Variants in XRCC4 observed in about 807,000 individuals in gnomAD.
XRCC4 encodes the protein DNA repair protein XRCC4.
Under a neutral mutation model 39.1 loss-of-function variants are expected in XRCC4, and 28 were observed. The observed-to-expected ratio is 0.72, with a 90% CI of 0.53 to 0.98. XRCC4 has a LOEUF of 0.98. Ranked by LOEUF, XRCC4 falls within the 50% of genes least tolerant of loss-of-function variation. XRCC4 has a pLI of 0.00. For synonymous variants in XRCC4, 123 were observed against 126.4 expected (o/e 0.97, Z 0.18); for missense variants, 350 against 376.4 (o/e 0.93, Z 0.58).
intron 6 of XRCC4, among the ~76,000 whole-genome samples, chr5:83,210,804 G>T (rs1751614702): frequency 6.6e-6 from 1 of 152,172 alleles, no homozygotes; most frequent in African/African-American, 2.4e-5. Flanking sequence ...TTCTGTTGAA[G>T]TCATCCCTGT....
At chr5:83,225,516 G>A (rs188206347) in intron 6 of XRCC4, among the ~76,000 whole-genome samples, 39 of 148,508 alleles carry the variant, frequency 2.6e-4, no homozygotes, top group African/African-American at 9.5e-4. Context: ...AAGCCCCCTT[G>A]ACTTTCATGG....
chr5:83,077,591 A>T lies in XRCC4; in HGVS notation c.-35A>T, dbSNP rs539153875. On this transcript the variant is annotated 5_prime_UTR_variant, in exon 1 of 8. Transcript: ENST00000396027. ...TCTGTGAAAGCGGGCGTTTTGGAAG[A>T]TACCGGAAGTAGAGTCACGGAGAGG... 3 of 514,692 alleles carry T rather than the reference A, an allele frequency of 5.8e-6. No homozygotes were observed. Among genetic ancestry groups the T allele is most frequent in the Non-Finnish European group, 1.1e-5 (3 of 283,642 alleles). 31.9% of individuals were successfully genotyped at this position (514,692 alleles called of 1,614,324 possible).
At chr5:83,183,662 A>C (rs1750306661) in intron 3 of XRCC4, among the ~76,000 whole-genome samples, 1 of 151,996 alleles carries the variant, frequency 6.6e-6, no homozygotes, top group Admixed American at 6.6e-5. Context: ...TTTGGTCCAG[A>C]GTTTATAATT....
At chr5:83,209,241 GT>G (rs1262619493) in intron 6 of XRCC4, among the ~76,000 whole-genome samples, 1 of 151,960 alleles carries the variant, frequency 6.6e-6, no homozygotes, top group East Asian at 1.9e-4. Flanking sequence ...GAGAAACATT[GT>G]TAAACTATGT....
intron 3 of XRCC4, among the ~76,000 whole-genome samples, chr5:83,130,647 A>G (rs1180239013): frequency 3.3e-5 from 5 of 151,804 alleles, no homozygotes; most frequent in Admixed American, 3.3e-4. Context: ...CAATTTCAGA[A>G]CCTGTTATTG....
chr5:83,354,085 A>T (rs1432963167), downstream of XRCC4, among the ~76,000 whole-genome samples: 1 of 152,214 alleles, frequency 6.6e-6, no homozygotes, highest in Non-Finnish European at 1.5e-5. Context: ...AAAGTTAACA[A>T]CATCAGAGTT....
At chr5:83,225,312 A>G (rs183813278) in intron 6 of XRCC4, among the ~76,000 whole-genome samples, 2 of 152,140 alleles carry the variant, frequency 1.3e-5, no homozygotes, top group African/African-American at 4.8e-5. Flanking sequence ...AGTTCCTTCT[A>G]TCTTCATGAT....
chr5:83,332,347 A>G (rs1198158319), intron 7 of XRCC4, among the ~76,000 whole-genome samples: 2 of 152,026 alleles, frequency 1.3e-5, no homozygotes, highest in Non-Finnish European at 2.9e-5. Context: ...GTGTCTTTCA[A>G]TCATTGGACA....
chr5:83,258,956 A>C, intron 7 of XRCC4: 1 of 343,662 alleles, frequency 2.9e-6, no homozygotes, highest in South Asian at 2.8e-5. Context: ...AAAATATTGG[A>C]ATCCAACTAG....
intron 6 of XRCC4, among the ~76,000 whole-genome samples, chr5:83,212,130 A>AAACATACATATGTG (rs1751672951): frequency 6.6e-6 from 1 of 152,130 alleles, no homozygotes; most frequent in Non-Finnish European, 1.5e-5. Flanking sequence ...ATATACACAT[A>AAACATACATATGTG]TGTATGTGTG....
At chr5:83,139,450 T>C (rs558332389) in intron 3 of XRCC4, among the ~76,000 whole-genome samples, 2 of 152,350 alleles carry the variant, frequency 1.3e-5, no homozygotes, top group South Asian at 4.1e-4. Flanking sequence ...TCTCCTTTTG[T>C]AATTAATAAG....
chr5:83,170,117 C>T (rs1409862561), intron 3 of XRCC4, among the ~76,000 whole-genome samples: 1 of 152,014 alleles, frequency 6.6e-6, no homozygotes. Context: ...GCATTTGATT[C>T]AGGAATGACA....
At chr5:83,140,826 TA>T (rs1748135007) in intron 3 of XRCC4, among the ~76,000 whole-genome samples, 1 of 152,180 alleles carries the variant, frequency 6.6e-6, no homozygotes, top group Non-Finnish European at 1.5e-5. Context: ...TACTTTTGGG[TA>T]TGTGAACAAT....
At chr5:83,245,820 C>T (rs1753078499) in intron 6 of XRCC4, among the ~76,000 whole-genome samples, 1 of 134,232 alleles carries the variant, frequency 7.4e-6, no homozygotes. Flanking sequence ...TCTCTTTCCC[C>T]CACTTTTCTC....
At chr5:83,209,083 A>AGTGTGT (rs35019637) in intron 6 of XRCC4, among the ~76,000 whole-genome samples, 2,780 of 143,568 alleles carry the variant, frequency 0.019, 58 homozygotes, top group African/African-American at 0.052. Flanking sequence ...CTCCAAAGTG[A>AGTGTGT]GTGTGTGTGT....
At chr5:83,180,298 T>C (rs1750148575) in intron 3 of XRCC4, among the ~76,000 whole-genome samples, 1 of 152,056 alleles carries the variant, frequency 6.6e-6, no homozygotes, top group African/African-American at 2.4e-5. Context: ...GAGAGAGTAT[T>C]GTAATAGAAG....
intron 3 of XRCC4, among the ~76,000 whole-genome samples, chr5:83,181,675 C>A (rs1365963590): frequency 2.0e-5 from 3 of 151,988 alleles, no homozygotes; most frequent in African/African-American, 7.3e-5. Context: ...CTGAAACAGC[C>A]AAAAGGGAAC....
intron 7 of XRCC4, among the ~76,000 whole-genome samples, chr5:83,273,465 C>G (rs1754213180): frequency 6.6e-6 from 1 of 152,158 alleles, no homozygotes; most frequent in African/African-American, 2.4e-5. Context: ...GTTGCAATTG[C>G]TTTTGGTGTT....
intron 7 of XRCC4, among the ~76,000 whole-genome samples, chr5:83,341,260 T>G (rs184800592): frequency 1.1e-4 from 17 of 151,976 alleles, no homozygotes; most frequent in Admixed American, 4.6e-4. Context: ...CAGCTAAAAT[T>G]CCTCTCAGCA....
Sources: gnomAD v4.1 joint callset for allele counts (sites outside exome capture counted in the v4.1 genomes callset) on GRCh38, gnomAD v4.1.1 for gene constraint, MANE v1.5 for transcripts, NCBI Gene and HGNC (gene_info 2026-07-23, HGNC 2026-07-21) for gene names.